SIPA1L3: variants seen among roughly 807,000 people sequenced by gnomAD.
SIPA1L3 encodes the protein signal-induced proliferation-associated 1-like protein 3.
In SIPA1L3, 59 loss-of-function variants were observed where a neutral mutation model predicts 150.1. The ratio of observed to expected loss-of-function variants is 0.39; its 90% confidence interval spans 0.32 to 0.49. The LOEUF (loss-of-function observed/expected upper bound fraction) is 0.49, where lower values mean the gene tolerates loss of function less well. SIPA1L3 is among the 20% of genes least tolerant of loss of function. SIPA1L3 has a pLI of 0.86. For synonymous variants in SIPA1L3, 1,070 were observed against 1,077.6 expected (o/e 0.99, Z 0.14); for missense variants, 2,211 against 2,489.5 (o/e 0.89, Z 2.38).
intron 2 of SIPA1L3, among the ~76,000 whole-genome samples, chr19:38,049,279 G>A (rs1298384506): frequency 6.6e-6 from 1 of 152,106 alleles, no homozygotes; most frequent in Non-Finnish European, 1.5e-5. Flanking sequence ...CTGTAGCTGT[G>A]CACACATCCT....
chr19:37,920,456 A>T (rs1484931449), intron 1 of SIPA1L3, among the ~76,000 whole-genome samples: 1 of 152,188 alleles, frequency 6.6e-6, no homozygotes, highest in African/African-American at 2.4e-5. Flanking sequence ...ACAGGCAGAG[A>T]GTGCAGGGGC....
At chr19:38,151,877 C>T (rs1238923549) in intron 12 of SIPA1L3, among the ~76,000 whole-genome samples, 1 of 148,822 alleles carries the variant, frequency 6.7e-6, no homozygotes, top group Non-Finnish European at 1.5e-5. Flanking sequence ...GTGGGAGGAT[C>T]GCTTGAGCCG....
At chr19:38,111,482 G>A (rs1328123036) in intron 8 of SIPA1L3, among the ~76,000 whole-genome samples, 1 of 152,152 alleles carries the variant, frequency 6.6e-6, no homozygotes, top group Admixed American at 6.5e-5. Context: ...TAGTCTGATT[G>A]CGCCTGAGTC....
At chr19:38,088,613 C>T (rs1268300484) in intron 3 of SIPA1L3, 108 bp from the exon 4 acceptor site, 1 of 1,376,778 alleles carries the variant, frequency 7.3e-7, no homozygotes, top group African/African-American at 1.4e-5. Context: ...CAGCATCCCA[C>T]AGATTGCACA....
chr19:37,934,778 A>G (rs1253121872), intron 1 of SIPA1L3, among the ~76,000 whole-genome samples: 3 of 150,972 alleles, frequency 2.0e-5, no homozygotes, highest in Admixed American at 6.6e-5. Flanking sequence ...ATATAATCCT[A>G]TAGGAGATAA....
chr19:38,122,114 G>A (rs930196470), intron 9 of SIPA1L3, among the ~76,000 whole-genome samples: 3 of 151,950 alleles, frequency 2.0e-5, no homozygotes, highest in African/African-American at 4.8e-5. Flanking sequence ...CCAGCTACTC[G>A]GGAGGCCGAG....
intron 1 of SIPA1L3, among the ~76,000 whole-genome samples, chr19:37,980,841 A>T (rs971871026): frequency 1.1e-4 from 16 of 152,142 alleles, no homozygotes; most frequent in Non-Finnish European, 1.8e-4. Flanking sequence ...TGATGGAAGA[A>T]TTTCTCCTGT....
At chr19:38,128,889 C>T (rs555115439) in intron 9 of SIPA1L3, among the ~76,000 whole-genome samples, 2 of 150,460 alleles carry the variant, frequency 1.3e-5, no homozygotes, top group East Asian at 1.9e-4. Flanking sequence ...AGCGAGACTC[C>T]GTCTTAAAAA....
chr19:38,164,713 G>A lies in SIPA1L3; in HGVS notation c.4015G>A (p.Gly1339Arg). Residue 1339 changes from glycine to arginine, a missense_variant, in exon 15 of 22, where the codon GGA becomes AGA. Gly to Arg is a moderately radical substitution (Grantham distance 125). Coordinates refer to ENST00000222345, the MANE Select transcript of SIPA1L3 (RefSeq NM_015073.3). The surrounding 1 kb of genome is among the most constrained non-coding windows in gnomAD (Gnocchi z 4.1). ...GCCCGCCAAGCCACACAAGCCCCCT[G>A]GAAGTATGGGCCTTTGTGGCGGGGG... ...PRPAKPHKPP[G>R]SMGLCGGGRE... is the part of the protein sequence containing the mutation. 6.2e-7 allele frequency: 1 copy of A among 1,614,080 alleles called. No individual in the cohort carries two copies. The highest frequency in any genetic ancestry group is 8.5e-7 in the Non-Finnish European group (1 of 1,179,998).
chr19:38,033,609 G>A lies in SIPA1L3; in HGVS notation c.-311+4453G>A, dbSNP rs546357870. On this transcript the variant is annotated intron_variant, in intron 2 of 21. Coordinates refer to ENST00000222345, the MANE Select transcript of SIPA1L3 (RefSeq NM_015073.3). ...CGGCTATGGCAGGAGGATCACTTGCGCCCAGGAGGTCGAGGCCATGCTACT... is the reference window on the plus strand; with the variant it reads ...CGGCTATGGCAGGAGGATCACTTGCACCCAGGAGGTCGAGGCCATGCTACT... Among the ~76,000 whole-genome samples, 6 of 152,210 alleles carry A rather than the reference G, an allele frequency of 3.9e-5. No homozygotes were observed. In the South Asian group the frequency reaches 1.0e-3, roughly 26 times the overall value.
Position 38,144,271 on chromosome 19 carries a change from C to T in SIPA1L3, c.3533+1561C>T, listed in dbSNP as rs187446665. ...GCATGTATGTGCACCTGTAAGAGAG[C>T]GAGAGAGAGACAGAGAGGGTAAGCG... On this transcript the variant is annotated intron_variant, in intron 12 of 21. Transcript: ENST00000222345. Among the ~76,000 whole-genome samples, 65 of 152,310 alleles carry T rather than the reference C, an allele frequency of 4.3e-4. 1 individual carries two copies. The highest frequency in any genetic ancestry group is 1.5e-3 in the African/African-American group (63 of 41,576).
At chr19:37,953,946 A>G (rs150122907) in intron 1 of SIPA1L3, among the ~76,000 whole-genome samples, 74 of 152,324 alleles carry the variant, frequency 4.9e-4, no homozygotes, top group African/African-American at 1.7e-3. Context: ...AAGCCCCTGT[A>G]TACCTCCTTG....
chr19:37,938,939 C>T (rs546192476), intron 1 of SIPA1L3, among the ~76,000 whole-genome samples: 1 of 152,154 alleles, frequency 6.6e-6, no homozygotes, highest in African/African-American at 2.4e-5. Context: ...GCTTCTTTTT[C>T]CTATTGAATT....
At position 38,198,149 on chromosome 19, in the gene SIPA1L3, C is replaced by T. The variant is rs4803855; in HGVS notation, c.4841-240C>T. Among the ~76,000 whole-genome samples the T allele has an allele frequency of 8.9e-4, 135 of 152,310 alleles. 1 individual carries two copies. Among genetic ancestry groups the T allele is most frequent in the Admixed American group, 7.1e-3 (109 of 15,302 alleles). ...TGGAATGTTCCTCCCCCAGGTAATC[C>T]GCCTGGTGCACTCCCTCCTCCCCTT... On this transcript the variant is annotated intron_variant, in intron 18 of 21. Transcript: ENST00000222345.
intron 15 of SIPA1L3, among the ~76,000 whole-genome samples, chr19:38,172,696 G>A (rs911270402): frequency 1.3e-5 from 2 of 152,160 alleles, no homozygotes; most frequent in African/African-American, 4.8e-5. Context: ...GCATAGTGAG[G>A]TGGCAGGAGC....
At chr19:38,197,778 G>A (rs1972993787) in intron 18 of SIPA1L3, among the ~76,000 whole-genome samples, 1 of 152,004 alleles carries the variant, frequency 6.6e-6, no homozygotes, top group African/African-American at 2.4e-5. Flanking sequence ...CTGCCCCTGT[G>A]TCCTATCACG....
chr19:37,954,642 C>T (rs778159508), intron 1 of SIPA1L3, among the ~76,000 whole-genome samples: 14 of 152,118 alleles, frequency 9.2e-5, no homozygotes, highest in Non-Finnish European at 1.8e-4. Flanking sequence ...TAGTGATAAG[C>T]ACATCCAAGC....
chr19:37,930,494 C>G (rs2046544117), intron 1 of SIPA1L3, among the ~76,000 whole-genome samples: 1 of 152,086 alleles, frequency 6.6e-6, no homozygotes, highest in African/African-American at 2.4e-5. Flanking sequence ...TATAATCCTG[C>G]ACCCCCTTAC....
At position 38,162,292 on chromosome 19, in the gene SIPA1L3, C is replaced by G. The variant is rs765798314; in HGVS notation, c.3701C>G (p.Ala1234Gly). 5 of 1,614,248 alleles carry G rather than the reference C, an allele frequency of 3.1e-6. No individual in the cohort carries two copies. The South Asian group carries it at 5.5e-5, about 18-fold the overall frequency. Residue 1234 changes from alanine (A) to glycine (G), a missense_variant, in exon 14 of 22, where the codon GCC (alanine) becomes GGC (glycine). Around this residue, in one of 5 missense-constraint regions of SIPA1L3, gnomAD observed 806 missense variants for 870.1 expected, o/e 0.93. Coordinates refer to ENST00000222345, the MANE Select transcript of SIPA1L3 (RefSeq NM_015073.3). ...GTGCCTGCCCAGGCCAGGCTCTCAG[C>G]CATAGCCGGAAGCAGCGGGAACAAG... ...WHVPAQARLS[A>G]IAGSSGNKHP...
Sources: allele counts gnomAD v4.1 joint callset (sites outside exome capture counted in the v4.1 genomes callset), GRCh38; gene constraint gnomAD v4.1.1; regional missense constraint gnomAD v4.1.1; non-coding constraint Gnocchi (gnomAD v3.1); transcripts MANE v1.5; gene names NCBI Gene and HGNC (gene_info 2026-07-23, HGNC 2026-07-21).